Variants in ACOXL observed in about 807,000 individuals in gnomAD.
The protein encoded by ACOXL is acyl-coenzyme A oxidase-like protein.
ACOXL carries 70 observed loss-of-function variants against 71.9 expected under a neutral mutation model. That is an observed-to-expected ratio of 0.97 (90% CI 0.80 to 1.19). The LOEUF (loss-of-function observed/expected upper bound fraction) is 1.19, where lower values mean the gene tolerates loss of function less well. ACOXL is among the 50% of genes most tolerant of loss of function. ACOXL has a pLI of 0.00. For missense variants in ACOXL, 703 were observed against 736.3 expected, an observed-to-expected ratio of 0.95 and a Z score of 0.52; for synonymous variants, 253 against 281.6, an observed-to-expected ratio of 0.90 and a Z score of 1.02.
chr2:110,743,717 C>T (rs1312710911), intron 1 of ACOXL, among the ~76,000 whole-genome samples: 2 of 152,176 alleles, frequency 1.3e-5, no homozygotes, highest in Non-Finnish European at 2.9e-5. Context: ...TGTGTCTCCG[C>T]CCAAGGCTTT....
chr2:110,907,193 T>G (rs1387621279), intron 10 of ACOXL, among the ~76,000 whole-genome samples: 2 of 152,222 alleles, frequency 1.3e-5, no homozygotes, highest in African/African-American at 4.8e-5. Context: ...GCCACCTTGC[T>G]GTGTCCTCAC....
chr2:111,075,605 C>T (rs941003280), intron 16 of ACOXL, among the ~76,000 whole-genome samples: 14 of 151,534 alleles, frequency 9.2e-5, no homozygotes, highest in Admixed American at 2.6e-4. Flanking sequence ...TTATTTTCTT[C>T]CAGTTGCTTT....
intron 3 of ACOXL, among the ~76,000 whole-genome samples, chr2:110,787,623 T>A (rs1016708894): frequency 2.8e-4 from 43 of 152,256 alleles, no homozygotes; most frequent in Non-Finnish European, 3.1e-4. Flanking sequence ...CTTCCCATTA[T>A]GCTTTAGAAA....
intron 10 of ACOXL, among the ~76,000 whole-genome samples, chr2:110,852,586 T>C (rs559016627): frequency 6.6e-6 from 1 of 152,338 alleles, no homozygotes; most frequent in Non-Finnish European, 1.5e-5. Flanking sequence ...TGGCCTCTTA[T>C]GTGGCTCAAA....
intron 1 of ACOXL, among the ~76,000 whole-genome samples, chr2:110,752,564 T>G (rs1191721553): frequency 2.6e-5 from 4 of 151,302 alleles, no homozygotes; most frequent in Non-Finnish European, 5.9e-5. Context: ...TGTATGCTGG[T>G]CCTGGAATGT....
chr2:110,898,194 T>C (rs2059092387), intron 10 of ACOXL, among the ~76,000 whole-genome samples: 1 of 152,106 alleles, frequency 6.6e-6, no homozygotes, highest in African/African-American at 2.4e-5. Flanking sequence ...TCTATACAAC[T>C]CTTTTAGAAA....
intron 16 of ACOXL, among the ~76,000 whole-genome samples, chr2:111,084,240 G>A (rs998822425): frequency 4.5e-5 from 6 of 132,360 alleles, no homozygotes; most frequent in East Asian, 2.6e-4. Context: ...GCTGTCTTAC[G>A]GACACAGATC....
chr2:110,933,345 G>T, intron 11 of ACOXL, 144 bp from the exon 12 acceptor site: 1 of 986,780 alleles, frequency 1.0e-6, no homozygotes, highest in Non-Finnish European at 1.4e-6. Flanking sequence ...TTATTTTTTA[G>T]TGACTATCTA....
intron 12 of ACOXL, among the ~76,000 whole-genome samples, chr2:110,954,561 G>A (rs2061431389): frequency 6.6e-6 from 1 of 152,088 alleles, no homozygotes; most frequent in Non-Finnish European, 1.5e-5. Context: ...TGAATTATTA[G>A]CATTCTTTTC....
chr2:110,801,744 C>T lies in ACOXL; in HGVS notation c.620+20C>T. The T allele has an allele frequency of 6.2e-7, 1 of 1,608,970 alleles. No individual in the cohort carries two copies. The highest frequency in any genetic ancestry group is 8.5e-7 in the Non-Finnish European group (1 of 1,175,306). On this transcript the variant is annotated intron_variant, in intron 8 of 17. Coordinates refer to ENST00000439055, the MANE Select transcript of ACOXL (RefSeq NM_001142807.4). ...GGATAAGTGAGTAGTTTCTCCTTAA[C>T]TCAGGTCAATGGTGCAGATGATCTC...
intron 11 of ACOXL, among the ~76,000 whole-genome samples, chr2:110,917,927 C>T (rs1050781745): frequency 1.3e-5 from 2 of 152,190 alleles, no homozygotes; most frequent in Non-Finnish European, 2.9e-5. Flanking sequence ...ATGGAAAAAA[C>T]ATTCCATGCT....
At chr2:110,988,675 AACCCTTGGT>A (rs1489768105) in intron 13 of ACOXL, among the ~76,000 whole-genome samples, 1 of 152,176 alleles carries the variant, frequency 6.6e-6, no homozygotes, top group Non-Finnish European at 1.5e-5. Flanking sequence ...TGTTCTCACC[AACCCTTGGT>A]ACTATCAGAC....
chr2:110,849,178 G>C (rs1692290206), intron 10 of ACOXL, among the ~76,000 whole-genome samples: 2 of 152,160 alleles, frequency 1.3e-5, no homozygotes, highest in African/African-American at 4.8e-5. Context: ...GTCTGCCTCA[G>C]GCAACAGGTG....
chr2:111,030,679 G>A (rs1255703327), intron 14 of ACOXL, among the ~76,000 whole-genome samples: 1 of 151,762 alleles, frequency 6.6e-6, no homozygotes, highest in Admixed American at 6.6e-5. Flanking sequence ...AAATACAAAT[G>A]AGAAGCAGAT....
chr2:110,868,040 T>C (rs913298634), intron 10 of ACOXL, among the ~76,000 whole-genome samples: 3 of 152,170 alleles, frequency 2.0e-5, no homozygotes, highest in Non-Finnish European at 4.4e-5. Flanking sequence ...GGATTACAGG[T>C]GCAAGCCACC....
chr2:110,957,869 C>A (rs2149435171), intron 12 of ACOXL, among the ~76,000 whole-genome samples: 1 of 151,306 alleles, frequency 6.6e-6, no homozygotes, highest in East Asian at 1.9e-4. Context: ...CCAGCCTGGC[C>A]AACATGGTGA....
intron 15 of ACOXL, among the ~76,000 whole-genome samples, chr2:111,039,126 A>C (rs4849349): frequency 6.6e-6 from 1 of 152,122 alleles, no homozygotes; most frequent in African/African-American, 2.4e-5. Flanking sequence ...GCTTTTTAGA[A>C]ACCAAAAGTG....
At chr2:110,855,785 C>T (rs974821208) in intron 10 of ACOXL, among the ~76,000 whole-genome samples, 4 of 152,294 alleles carry the variant, frequency 2.6e-5, no homozygotes, top group East Asian at 1.9e-4. Context: ...AATGAAGCCG[C>T]GGACCTTCGC....
intron 10 of ACOXL, among the ~76,000 whole-genome samples, chr2:110,853,293 C>T (rs897765234): frequency 2.6e-5 from 4 of 152,134 alleles, no homozygotes; most frequent in African/African-American, 7.2e-5. Flanking sequence ...ATGCTTGGTT[C>T]GGCTGCTCAC....
Sources: gnomAD v4.1 joint callset for allele counts (sites outside exome capture counted in the v4.1 genomes callset) on GRCh38, gnomAD v4.1.1 for gene constraint, MANE v1.5 for transcripts, NCBI Gene and HGNC (gene_info 2026-07-23, HGNC 2026-07-21) for gene names.